CTDSPL2: variants seen among roughly 807,000 people sequenced by gnomAD.
CTDSPL2 encodes the protein CTD small phosphatase like 2, also known as CTD small phosphatase-like protein 2.
In CTDSPL2, 5 loss-of-function variants were observed where a neutral mutation model predicts 60.0. The observed-to-expected ratio is 0.08, with a 90% CI of 0.04 to 0.18. The LOEUF is 0.18. Ranked by LOEUF, CTDSPL2 falls within the 10% of genes least tolerant of loss-of-function variation. CTDSPL2 has a pLI of 1.00. For missense variants in CTDSPL2, 370 were observed against 548.8 expected (o/e 0.67, Z 3.26); for synonymous variants, 186 against 189.3 (o/e 0.98, Z 0.14).
chr15:44,513,542 G>A (rs1363023966), intron 8 of CTDSPL2, among the ~76,000 whole-genome samples: 1 of 152,142 alleles, frequency 6.6e-6, no homozygotes, highest in Non-Finnish European at 1.5e-5. Context: ...AACATTCCTA[G>A]AACTAGATTT....
At chr15:44,431,716 GTTTTTTTT>G (rs886785067) in intron 1 of CTDSPL2, among the ~76,000 whole-genome samples, 53 of 133,660 alleles carry the variant, frequency 4.0e-4, no homozygotes, top group Middle Eastern at 3.7e-3. Flanking sequence ...TTGTTTGTTT[GTTTTTTTT>G]TTTTTTTTTT....
intron 8 of CTDSPL2, among the ~76,000 whole-genome samples, chr15:44,511,551 A>C (rs922986984): frequency 2.0e-5 from 3 of 152,208 alleles, no homozygotes; most frequent in Non-Finnish European, 4.4e-5. Context: ...TAATTCAAAA[A>C]ATGCGAAATC....
At chr15:44,475,727 ATATATT>A (rs1485232503) in intron 2 of CTDSPL2, among the ~76,000 whole-genome samples, 4 of 152,092 alleles carry the variant, frequency 2.6e-5, no homozygotes, top group African/African-American at 9.7e-5. Context: ...CTCATTATGT[ATATATT>A]TAAAGTATTA....
intron 1 of CTDSPL2, among the ~76,000 whole-genome samples, chr15:44,456,418 C>T (rs2080441711): frequency 6.6e-6 from 1 of 152,164 alleles, no homozygotes; most frequent in African/African-American, 2.4e-5. Context: ...TCAATTTCAG[C>T]TCCTGTTATT....
rs1225072554 is a variant in CTDSPL2 at position 44,443,912 on chromosome 15, A to T, written c.-24-15079A>T. On this transcript the variant is annotated intron_variant, in intron 1 of 12. Transcript: ENST00000260327. Reference sequence around the variant, plus strand: ...TTGATACACAAAAATTAAAAACAAAATTTTTTAAGAGGTAGGATCTTACTG... The same window carrying T: ...TTGATACACAAAAATTAAAAACAAATTTTTTTAAGAGGTAGGATCTTACTG... 5.3e-5 allele frequency among the ~76,000 whole-genome samples: 8 copies of T among 152,090 alleles called. 1 individual carries two copies. Among genetic ancestry groups the T allele is most frequent in the Non-Finnish European group, 1.5e-5 (1 of 68,014 alleles).
chr15:44,514,729 T>C, intron 9 of CTDSPL2, 36 bp from the exon 10 acceptor site: 2 of 1,531,932 alleles, frequency 1.3e-6, no homozygotes, highest in Non-Finnish European at 1.8e-6. Context: ...ATTTAGACCA[T>C]GTATAATGAT....
intron 5 of CTDSPL2, among the ~76,000 whole-genome samples, chr15:44,494,292 A>G (rs1036895643): frequency 1.3e-4 from 20 of 152,202 alleles, no homozygotes; most frequent in Non-Finnish European, 1.5e-5. Context: ...TTAAGTGTTT[A>G]TAAATTAGAA....
intron 1 of CTDSPL2, among the ~76,000 whole-genome samples, chr15:44,431,572 G>A (rs2079857217): frequency 6.6e-6 from 1 of 152,084 alleles, no homozygotes; most frequent in Non-Finnish European, 1.5e-5. Flanking sequence ...CTCTGAAAGA[G>A]GAAACTTTAA....
At chr15:44,458,690 G>T (rs1393504364) in intron 1 of CTDSPL2, among the ~76,000 whole-genome samples, 2 of 152,164 alleles carry the variant, frequency 1.3e-5, no homozygotes, top group Admixed American at 6.5e-5. Context: ...GTGTTGGCAG[G>T]CAGTATAGTA....
intron 1 of CTDSPL2, among the ~76,000 whole-genome samples, chr15:44,436,145 T>C (rs892697126): frequency 1.3e-5 from 2 of 152,178 alleles, no homozygotes; most frequent in Non-Finnish European, 2.9e-5. Flanking sequence ...CTTTTGAAAA[T>C]GTCATTTGGT....
intron 1 of CTDSPL2, among the ~76,000 whole-genome samples, chr15:44,439,543 T>A (rs1000271096): frequency 7.1e-6 from 1 of 141,478 alleles, no homozygotes; most frequent in South Asian, 2.4e-4. Context: ...ATGTTTTTTT[T>A]GGGGGGGGGG....
At chr15:44,499,032 G>T (rs1381510005) in intron 7 of CTDSPL2, among the ~76,000 whole-genome samples, 3 of 152,134 alleles carry the variant, frequency 2.0e-5, no homozygotes, top group Admixed American at 1.3e-4. Flanking sequence ...ATGCATGTGG[G>T]TTTAACTGAA....
At chr15:44,472,285 C>T (rs2080826288) in intron 2 of CTDSPL2, among the ~76,000 whole-genome samples, 1 of 152,142 alleles carries the variant, frequency 6.6e-6, no homozygotes, top group African/African-American at 2.4e-5. Context: ...AAAGTGGTTG[C>T]ATCATTTTAC....
chr15:44,488,351 C>G (rs2069431248), intron 4 of CTDSPL2, among the ~76,000 whole-genome samples: 1 of 151,892 alleles, frequency 6.6e-6, no homozygotes, highest in Non-Finnish European at 1.5e-5. Context: ...CAGGAAGGAT[C>G]AGAGGATAGA....
intron 1 of CTDSPL2, among the ~76,000 whole-genome samples, chr15:44,428,802 C>G (rs1487006826): frequency 6.6e-6 from 1 of 152,104 alleles, no homozygotes; most frequent in Non-Finnish European, 1.5e-5. Flanking sequence ...AATTTTCGTT[C>G]CTGGTCCATT....
intron 4 of CTDSPL2, among the ~76,000 whole-genome samples, chr15:44,488,398 GAGAAT>G (rs1247152217): frequency 6.6e-6 from 1 of 152,182 alleles, no homozygotes; most frequent in Non-Finnish European, 1.5e-5. Context: ...GGAGGTGAAA[GAGAAT>G]AGAGATGAAG....
chr15:44,514,669 G>C lies in CTDSPL2; in HGVS notation c.1032+9G>C. On this transcript the variant is annotated intron_variant, in intron 9 of 12. Transcript: ENST00000260327. Reference sequence around the variant, plus strand: ...TGTCTCAGATGTATGAGGTAAACATGCTTAAGCTAATTACATATGTATTTT... The same window carrying C: ...TGTCTCAGATGTATGAGGTAAACATCCTTAAGCTAATTACATATGTATTTT... The C allele has an allele frequency of 6.3e-7, 1 of 1,596,198 alleles. No homozygotes were observed. Among genetic ancestry groups the C allele is most frequent in the Non-Finnish European group, 8.6e-7 (1 of 1,164,242 alleles).
At chr15:44,437,741 T>C (rs2080005287) in intron 1 of CTDSPL2, among the ~76,000 whole-genome samples, 1 of 152,194 alleles carries the variant, frequency 6.6e-6, no homozygotes, top group Non-Finnish European at 1.5e-5. Flanking sequence ...TACAGTCTAG[T>C]GCAATTAAAG....
At chr15:44,482,434 A>G (rs1371190909) in intron 2 of CTDSPL2, among the ~76,000 whole-genome samples, 2 of 152,214 alleles carry the variant, frequency 1.3e-5, no homozygotes, top group Non-Finnish European at 2.9e-5. Flanking sequence ...GCAGAATGCA[A>G]GGTTTTCATG....
Sources: gnomAD v4.1 joint callset for allele counts (sites outside exome capture counted in the v4.1 genomes callset) on GRCh38, gnomAD v4.1.1 for gene constraint, MANE v1.5 for transcripts, NCBI Gene and HGNC (gene_info 2026-07-23, HGNC 2026-07-21) for gene names.